The following DIPK1A variants were observed in gnomAD, a reference collection of about 807,000 sequenced individuals.
DIPK1A encodes divergent protein kinase domain 1A.
Under a neutral mutation model 40.8 loss-of-function variants are expected in DIPK1A, and 27 were observed. The ratio of observed to expected loss-of-function variants is 0.66; its 90% CI spans 0.49 to 0.91. DIPK1A has a LOEUF of 0.91. DIPK1A is among the 40% of genes least tolerant of loss of function. The pLI is 0.00. For missense variants in DIPK1A, 412 were observed against 505.7 expected (o/e 0.81, Z 1.78); for synonymous variants, 166 against 171.3 (o/e 0.97, Z 0.24).
chr1:92,859,374 T>C (rs1688094867), intron 2 of DIPK1A, among the ~76,000 whole-genome samples: 3 of 152,124 alleles, frequency 2.0e-5, no homozygotes, highest in Admixed American at 6.6e-5. Context: ...CCTCTCTCTC[T>C]CTCAGCCATT....
Position 92,843,762 on chromosome 1 carries a change from TTA to T in DIPK1A, c.906_907del (p.Tyr302Ter). 3.9e-6 allele frequency: 6 copies of T among 1,551,830 alleles called. No homozygotes were observed. Among genetic ancestry groups the T allele is most frequent in the Non-Finnish European group, 5.2e-6 (6 of 1,147,014 alleles). On this transcript the variant is annotated stop_gained and frameshift_variant, in exon 5 of 5. Coordinates refer to ENST00000370310, the MANE Select transcript of DIPK1A (RefSeq NM_001006605.5). LOFTEE classifies it high-confidence loss of function. Reference sequence around the variant, plus strand: ...CACCATTTTCAAATCATACTTATCATTATATCCTAGGTTTTTGGCACTAGTAT... The same window carrying T: ...CACCATTTTCAAATCATACTTATCATTATCCTAGGTTTTTGGCACTAGTAT...
chr1:92,862,357 G>A (rs892624224), intron 2 of DIPK1A, among the ~76,000 whole-genome samples: 1 of 152,146 alleles, frequency 6.6e-6, no homozygotes, highest in Non-Finnish European at 1.5e-5. Flanking sequence ...TCAGTGGAAG[G>A]TGCCATCAAC....
intron 1 of DIPK1A, among the ~76,000 whole-genome samples, chr1:92,921,073 G>C (rs1328855536): frequency 1.3e-5 from 2 of 152,172 alleles, no homozygotes; most frequent in African/African-American, 2.4e-5. Flanking sequence ...GGACTAGTTG[G>C]GGAAGGGGTT....
At chr1:92,844,333 A>G (rs1305334617) in intron 4 of DIPK1A, 138 bp from the exon 5 acceptor site, 7 of 621,756 alleles carry the variant, frequency 1.1e-5, no homozygotes, top group Non-Finnish European at 2.0e-5. Flanking sequence ...TTAATGTATT[A>G]TATCTCCAAA....
intron 1 of DIPK1A, among the ~76,000 whole-genome samples, chr1:92,881,959 A>T (rs1403505186): frequency 1.3e-5 from 2 of 152,224 alleles, no homozygotes; most frequent in African/African-American, 4.8e-5. Context: ...TGTCTCTAAG[A>T]TCTACAAGTC....
chr1:92,900,571 T>G (rs72969911), intron 1 of DIPK1A, among the ~76,000 whole-genome samples: 1 of 152,134 alleles, frequency 6.6e-6, no homozygotes, highest in Non-Finnish European at 1.5e-5. Flanking sequence ...TTCCCTAAGA[T>G]CATTATTTTG....
chr1:92,937,305 TA>T (rs35938479), intron 1 of DIPK1A, among the ~76,000 whole-genome samples: 52,874 of 151,112 alleles, frequency 0.35, 9,619 homozygotes, highest in African/African-American at 0.38. Flanking sequence ...TAAAAAATAT[TA>T]AAAAAAAATA....
chr1:92,862,315 T>A (rs1273257533), intron 2 of DIPK1A, among the ~76,000 whole-genome samples: 2 of 152,206 alleles, frequency 1.3e-5, no homozygotes, highest in African/African-American at 4.8e-5. Context: ...TTCCCTCCTC[T>A]GTCCCAAGGT....
At chr1:92,891,324 T>C (rs1648865333) in intron 1 of DIPK1A, among the ~76,000 whole-genome samples, 1 of 152,114 alleles carries the variant, frequency 6.6e-6, no homozygotes. Context: ...TTATTATTTA[T>C]TTATTTCTAA....
chr1:92,923,201 C>G (rs1465517044), intron 1 of DIPK1A, among the ~76,000 whole-genome samples: 1 of 152,112 alleles, frequency 6.6e-6, no homozygotes, highest in Non-Finnish European at 1.5e-5. Context: ...TGCAGTGGCA[C>G]GATCTCGGCT....
rs191329857 is a variant in DIPK1A, at chr1:92,894,811, A to T, written c.55-18381T>A. On this transcript the variant is annotated intron_variant, in intron 1 of 4. Transcript: ENST00000370310. ...AATCAAATAGAGGCAATAAAAAATG[A>T]TAAAGGGGATATCACCACTGATCCC... Among the ~76,000 whole-genome samples the T allele has an allele frequency of 7.6e-4, 115 of 152,262 alleles. 3 individuals carry two copies. In the East Asian group the frequency reaches 0.017, roughly 22 times the overall value.
intron 1 of DIPK1A, among the ~76,000 whole-genome samples, chr1:92,919,107 A>C (rs1263167505): frequency 6.6e-6 from 1 of 152,214 alleles, no homozygotes; most frequent in East Asian, 1.9e-4. Context: ...ACAAGACTAT[A>C]AACTCCAGGG....
At chr1:92,867,215 CTTTTTT>C (rs5776161) in intron 2 of DIPK1A, among the ~76,000 whole-genome samples, 1 of 125,674 alleles carries the variant, frequency 8.0e-6, no homozygotes. Context: ...TACTCCAATT[CTTTTTT>C]TTTTTTTTTT....
At chr1:92,936,723 C>T (rs1650960514) in intron 1 of DIPK1A, among the ~76,000 whole-genome samples, 1 of 152,128 alleles carries the variant, frequency 6.6e-6, no homozygotes, top group African/African-American at 2.4e-5. Flanking sequence ...GCAAGTACCA[C>T]GCAGCACTAT....
intron 2 of DIPK1A, among the ~76,000 whole-genome samples, chr1:92,855,816 C>T (rs1052930033): frequency 5.3e-5 from 8 of 151,752 alleles, no homozygotes; most frequent in African/African-American, 1.5e-4. Flanking sequence ...TGGTGGCTCA[C>T]GTCGATAATC....
intron 1 of DIPK1A, among the ~76,000 whole-genome samples, chr1:92,921,478 T>C (rs866287046): frequency 7.9e-5 from 12 of 152,154 alleles, no homozygotes; most frequent in East Asian, 7.7e-4. Flanking sequence ...GCTTACTAAT[T>C]AGAAAGGAGA....
chr1:92,872,067 A>ATTT (rs1425508913), intron 2 of DIPK1A, among the ~76,000 whole-genome samples: 1 of 101,292 alleles, frequency 9.9e-6, no homozygotes, highest in South Asian at 3.2e-4. Flanking sequence ...TTTTCTTTAA[A>ATTT]TCTTTTTTTT....
intron 4 of DIPK1A, among the ~76,000 whole-genome samples, chr1:92,834,456 C>T (rs775016699): frequency 3.3e-5 from 5 of 152,168 alleles, no homozygotes; most frequent in African/African-American, 9.7e-5. Context: ...CAGGTAGGCA[C>T]ACCTGTTTCC....
At chr1:92,920,652 G>A (rs1005133473) in intron 1 of DIPK1A, among the ~76,000 whole-genome samples, 37 of 152,318 alleles carry the variant, frequency 2.4e-4, no homozygotes, top group African/African-American at 8.4e-4. Context: ...ATTAACAGAT[G>A]TTTTAACATG....
Sources: gnomAD v4.1 joint callset for allele counts (sites outside exome capture counted in the v4.1 genomes callset) on GRCh38, gnomAD v4.1.1 for gene constraint, MANE v1.5 for transcripts, NCBI Gene and HGNC (gene_info 2026-07-23, HGNC 2026-07-21) for gene names.